Variants in CDH13 observed in about 807,000 individuals in gnomAD.
The protein encoded by CDH13 is cadherin-13.
In CDH13, 24 loss-of-function variants were observed where a neutral mutation model predicts 63.8. That is an observed-to-expected ratio of 0.38 (90% confidence interval 0.27 to 0.53). CDH13 has a LOEUF of 0.53. Ranked by LOEUF, CDH13 falls within the 20% of genes least tolerant of loss-of-function variation. The probability of loss-of-function intolerance (pLI) is 0.85; values close to 1 mark genes in which losing one functional copy is unlikely to be tolerated. For synonymous variants in CDH13, 503 were observed against 355.3 expected (o/e 1.42, Z -4.67); for missense variants, 1,049 against 903.1 (o/e 1.16, Z -2.07).
intron 8 of CDH13, among the ~76,000 whole-genome samples, chr16:83,669,075 C>T (rs56376632): frequency 0.077 from 11,656 of 152,212 alleles, 593 homozygotes; most frequent in East Asian, 0.12. Context: ...AGGCTTTACC[C>T]CAGAGCCTGG....
intron 10 of CDH13, among the ~76,000 whole-genome samples, chr16:83,687,167 C>T (rs557338787): frequency 3.3e-5 from 5 of 152,076 alleles, no homozygotes; most frequent in Admixed American, 1.3e-4. Context: ...GAGCCAAGAT[C>T]GTGCCACTGC....
intron 3 of CDH13, among the ~76,000 whole-genome samples, chr16:83,063,503 G>A (rs752309072): frequency 1.5e-4 from 23 of 152,174 alleles, no homozygotes; most frequent in South Asian, 2.1e-4. Context: ...ACATTGTTAT[G>A]ATAAACCCAG....
At chr16:83,253,039 G>C (rs1254413979) in intron 5 of CDH13, among the ~76,000 whole-genome samples, 2 of 151,946 alleles carry the variant, frequency 1.3e-5, no homozygotes, top group African/African-American at 4.8e-5. Context: ...CAAACCCTTA[G>C]CACAGCACCT....
chr16:83,741,682 C>A (rs1449747285), intron 10 of CDH13, among the ~76,000 whole-genome samples: 3 of 152,000 alleles, frequency 2.0e-5, no homozygotes, highest in Non-Finnish European at 4.4e-5. Flanking sequence ...CACTAATTGC[C>A]CAATATTACT....
At chr16:82,708,960 C>G (rs940393325) in intron 1 of CDH13, among the ~76,000 whole-genome samples, 3 of 152,182 alleles carry the variant, frequency 2.0e-5, no homozygotes, top group East Asian at 1.9e-4. Context: ...TTCTTTAGAA[C>G]CAGAAGAGTC....
intron 1 of CDH13, among the ~76,000 whole-genome samples, chr16:82,680,318 A>C (rs1423902631): frequency 1.3e-5 from 2 of 152,190 alleles, no homozygotes; most frequent in African/African-American, 4.8e-5. Context: ...TTAGACATCA[A>C]GAGTCGAGGC....
At chr16:83,004,949 G>T (rs1597392382) in intron 2 of CDH13, among the ~76,000 whole-genome samples, 1 of 152,312 alleles carries the variant, frequency 6.6e-6, no homozygotes, top group African/African-American at 2.4e-5. Context: ...ACCATAGCCA[G>T]GCTGTAGGAA....
intron 9 of CDH13, among the ~76,000 whole-genome samples, chr16:83,674,611 C>A (rs1300599895): frequency 6.6e-6 from 1 of 152,224 alleles, no homozygotes; most frequent in Non-Finnish European, 1.5e-5. Flanking sequence ...GGCAGTCAAG[C>A]ACAAGCAGGT....
chr16:82,650,808 A>G (rs1910637063), intron 1 of CDH13, among the ~76,000 whole-genome samples: 1 of 152,206 alleles, frequency 6.6e-6, no homozygotes, highest in Non-Finnish European at 1.5e-5. Context: ...TAGTGTAGAA[A>G]TCAATCCGGT....
chr16:83,183,523 A>T (rs1195561587), intron 4 of CDH13, among the ~76,000 whole-genome samples: 8 of 152,236 alleles, frequency 5.3e-5, no homozygotes, highest in Non-Finnish European at 1.5e-5. Flanking sequence ...ATATCACCAT[A>T]GCCTCAACTG....
chr16:83,392,240 C>T (rs1400508963), intron 6 of CDH13, among the ~76,000 whole-genome samples: 1 of 152,228 alleles, frequency 6.6e-6, no homozygotes, highest in East Asian at 1.9e-4. Flanking sequence ...ACCTCAGTTT[C>T]CTCATCTGTG....
intron 5 of CDH13, among the ~76,000 whole-genome samples, chr16:83,230,731 G>A (rs991553526): frequency 6.6e-6 from 1 of 152,200 alleles, no homozygotes; most frequent in Non-Finnish European, 1.5e-5. Context: ...AGGTAGTGGT[G>A]AGCCAAGATC....
chr16:83,003,996 C>G (rs1273039983), intron 2 of CDH13, among the ~76,000 whole-genome samples: 1 of 152,152 alleles, frequency 6.6e-6, no homozygotes, highest in Non-Finnish European at 1.5e-5. Context: ...GTAGGAGAAT[C>G]AAGACAATCG....
intron 7 of CDH13, among the ~76,000 whole-genome samples, chr16:83,560,463 C>T (rs1033147438): frequency 6.6e-6 from 1 of 152,110 alleles, no homozygotes; most frequent in African/African-American, 2.4e-5. Flanking sequence ...TGCAGTGAAT[C>T]TAAAATGGTC....
chr16:83,091,373 C>T (rs4782746), intron 3 of CDH13, among the ~76,000 whole-genome samples: 1 of 151,826 alleles, frequency 6.6e-6, no homozygotes, highest in Non-Finnish European at 1.5e-5. Flanking sequence ...TTTTCCCATT[C>T]AATGTAGTTT....
At chr16:83,189,331 G>A (rs969083898) in intron 4 of CDH13, among the ~76,000 whole-genome samples, 5 of 152,126 alleles carry the variant, frequency 3.3e-5, no homozygotes, top group Admixed American at 6.6e-5. Context: ...GTCTCCCTGG[G>A]ACTTGCTGCA....
chr16:83,572,282 G>A (rs1464045815), intron 7 of CDH13, among the ~76,000 whole-genome samples: 2 of 151,112 alleles, frequency 1.3e-5, no homozygotes, highest in African/African-American at 2.4e-5. Context: ...TGCCTCCTGG[G>A]TTCAGGCGAT....
chr16:83,517,680 GA>G (rs2074729717), intron 7 of CDH13, among the ~76,000 whole-genome samples: 1 of 152,172 alleles, frequency 6.6e-6, no homozygotes, highest in African/African-American at 2.4e-5. Context: ...AAAACAATGT[GA>G]ACTGGTTGAC....
At chr16:83,481,177 A>C (rs150540365) in intron 6 of CDH13, among the ~76,000 whole-genome samples, 1 of 152,330 alleles carries the variant, frequency 6.6e-6, no homozygotes, top group African/African-American at 2.4e-5. Context: ...TTCTCCCTGG[A>C]AAGCACACTG....
Sources: allele counts gnomAD v4.1 joint callset (sites outside exome capture counted in the v4.1 genomes callset), GRCh38; gene constraint gnomAD v4.1.1; transcripts MANE v1.5; gene names NCBI Gene and HGNC (gene_info 2026-07-23, HGNC 2026-07-21).